CA10: variants seen among roughly 807,000 people sequenced by gnomAD.
The protein encoded by CA10 is carbonic anhydrase-related protein 10.
A neutral mutation model predicts 44.2 loss-of-function variants in CA10; 14 were observed. That is an observed-to-expected ratio of 0.32 (90% CI 0.21 to 0.50). The LOEUF (loss-of-function observed/expected upper bound fraction) is 0.50, where lower values mean the gene tolerates loss of function less well. Ranked by LOEUF, CA10 falls within the 20% of genes least tolerant of loss-of-function variation. The pLI, the probability that CA10 is intolerant of heterozygous loss-of-function variation, is 0.99. For missense variants in CA10, 350 were observed against 409.7 expected, an observed-to-expected ratio of 0.85 and a Z score of 1.26; for synonymous variants, 159 against 141.6, an observed-to-expected ratio of 1.12 and a Z score of -0.87.
chr17:51,685,304 GTCA>G (rs1294811929), intron 4 of CA10, among the ~76,000 whole-genome samples: 2 of 152,124 alleles, frequency 1.3e-5, no homozygotes, highest in Non-Finnish European at 2.9e-5. Flanking sequence ...CTCTCTCTGT[GTCA>G]TCATCAGGAC....
chr17:52,094,511 G>GA (rs1251978711), intron 1 of CA10, among the ~76,000 whole-genome samples: 1 of 152,048 alleles, frequency 6.6e-6, no homozygotes, highest in Non-Finnish European at 1.5e-5. Flanking sequence ...ACAAAAGAGT[G>GA]AAAATGTAAT....
intron 4 of CA10, among the ~76,000 whole-genome samples, chr17:51,672,082 T>C (rs1229357824): frequency 6.6e-6 from 1 of 152,174 alleles, no homozygotes; most frequent in African/African-American, 2.4e-5. Context: ...CCAGTTGTTG[T>C]AAGAATTACA....
At chr17:51,955,843 G>C (rs1202175223) in intron 2 of CA10, among the ~76,000 whole-genome samples, 1 of 152,084 alleles carries the variant, frequency 6.6e-6, no homozygotes, top group Non-Finnish European at 1.5e-5. Flanking sequence ...AGGGGGAAAG[G>C]GGAGGGAGAG....
intron 2 of CA10, among the ~76,000 whole-genome samples, chr17:51,998,194 C>T (rs1025561978): frequency 6.6e-6 from 1 of 152,034 alleles, no homozygotes; most frequent in Non-Finnish European, 1.5e-5. Context: ...CCTTTGTTCA[C>T]CCACCCTAGA....
At chr17:51,700,217 C>CG (rs1199250776) in intron 4 of CA10, among the ~76,000 whole-genome samples, 3 of 152,156 alleles carry the variant, frequency 2.0e-5, no homozygotes, top group Admixed American at 6.5e-5. Flanking sequence ...CTGCAGTGGC[C>CG]GCCTAACAGG....
At chr17:51,881,610 CG>C (rs1980380449) in intron 3 of CA10, among the ~76,000 whole-genome samples, 1 of 151,824 alleles carries the variant, frequency 6.6e-6, no homozygotes, top group South Asian at 2.1e-4. Context: ...AAAAAAAGAA[CG>C]GGGATATGTA....
intron 3 of CA10, among the ~76,000 whole-genome samples, chr17:51,910,665 G>A (rs138467147): frequency 2.9e-4 from 44 of 152,204 alleles, no homozygotes; most frequent in East Asian, 7.7e-4. Context: ...ACGTAGTTAC[G>A]CCGTTCTTGC....
chr17:51,924,795 T>A (rs990894007), intron 3 of CA10, among the ~76,000 whole-genome samples: 1 of 152,056 alleles, frequency 6.6e-6, no homozygotes, highest in African/African-American at 2.4e-5. Flanking sequence ...AGACCTGGGG[T>A]GGTTATAAAC....
intron 4 of CA10, among the ~76,000 whole-genome samples, chr17:51,658,518 C>T (rs1913884074): frequency 6.6e-6 from 1 of 152,044 alleles, no homozygotes; most frequent in African/African-American, 2.4e-5. Context: ...GACCAGGAGC[C>T]AGGTATGGGA....
chr17:52,053,495 C>G (rs892499023), intron 2 of CA10, among the ~76,000 whole-genome samples: 1 of 147,218 alleles, frequency 6.8e-6, no homozygotes, highest in Non-Finnish European at 1.5e-5. Context: ...AGAAAATACT[C>G]AAACGGATAA....
At chr17:51,700,915 G>A (rs1303592224) in intron 4 of CA10, among the ~76,000 whole-genome samples, 2 of 151,998 alleles carry the variant, frequency 1.3e-5, no homozygotes, top group Non-Finnish European at 2.9e-5. Flanking sequence ...CGGGGCCTAT[G>A]GGGGTAGGAG....
At chr17:51,683,167 G>A (rs868765566) in intron 4 of CA10, among the ~76,000 whole-genome samples, 30 of 152,142 alleles carry the variant, frequency 2.0e-4, no homozygotes, top group African/African-American at 7.0e-4. Context: ...CCCTTTTCAT[G>A]GCTTCATGGT....
chr17:51,797,850 C>CAAAAAAAAAAAAAA, intron 3 of CA10, among the ~76,000 whole-genome samples: 1 of 73,770 alleles, frequency 1.4e-5, no homozygotes. Flanking sequence ...GGCTCCATCT[C>CAAAAAAAAAAAAAA]AAAAAAAAAA....
chr17:51,749,083 A>G (rs1904805019), intron 3 of CA10, among the ~76,000 whole-genome samples: 1 of 152,198 alleles, frequency 6.6e-6, no homozygotes, highest in Non-Finnish European at 1.5e-5. Context: ...ACATCGACCA[A>G]TGGCATTATA....
chr17:51,869,673 G>T (rs1235688999), intron 3 of CA10, among the ~76,000 whole-genome samples: 1 of 152,176 alleles, frequency 6.6e-6, no homozygotes, highest in African/African-American at 2.4e-5. Flanking sequence ...ACTTTGGGAG[G>T]CTGAGGGGAG....
chr17:51,637,404 C>T (rs929643833), intron 6 of CA10, among the ~76,000 whole-genome samples: 1 of 152,200 alleles, frequency 6.6e-6, no homozygotes, highest in Non-Finnish European at 1.5e-5. Flanking sequence ...AGAGGTATCA[C>T]ATCCCCAGGC....
At chr17:51,724,745 T>A (rs1183995515) in intron 4 of CA10, among the ~76,000 whole-genome samples, 2 of 152,166 alleles carry the variant, frequency 1.3e-5, no homozygotes, top group Non-Finnish European at 2.9e-5. Flanking sequence ...CTTCCTGACT[T>A]GAGAATGAAA....
intron 1 of CA10, among the ~76,000 whole-genome samples, chr17:52,142,076 T>C (rs1374649330): frequency 6.6e-6 from 1 of 152,158 alleles, no homozygotes; most frequent in African/African-American, 2.4e-5. Flanking sequence ...GAGTAAGCCA[T>C]GTAGGATTCA....
chr17:52,005,254 T>G (rs890317567), intron 2 of CA10, among the ~76,000 whole-genome samples: 2 of 151,924 alleles, frequency 1.3e-5, no homozygotes, highest in Non-Finnish European at 2.9e-5. Flanking sequence ...AAATTCTGCT[T>G]CCCAAATAAA....
Sources: allele counts gnomAD v4.1 joint callset (sites outside exome capture counted in the v4.1 genomes callset), GRCh38; gene constraint gnomAD v4.1.1; transcripts MANE v1.5; gene names NCBI Gene and HGNC (gene_info 2026-07-23, HGNC 2026-07-21).